Variants in SIK3 observed in about 807,000 individuals in gnomAD.
SIK3 encodes serine/threonine-protein kinase SIK3.
SIK3 carries 28 observed loss-of-function variants against 144.2 expected under a neutral mutation model. The ratio of observed to expected loss-of-function variants is 0.19; its 90% CI spans 0.14 to 0.27. The LOEUF (loss-of-function observed/expected upper bound fraction) is 0.27. Ranked by LOEUF, SIK3 falls within the 10% of genes least tolerant of loss-of-function variation. The pLI, the probability that SIK3 is intolerant of heterozygous loss-of-function variation, is 1.00. For synonymous variants in SIK3, 686 were observed against 676.3 expected (o/e 1.01, Z -0.22); for missense variants, 1,319 against 1,776.0 (o/e 0.74, Z 4.62).
chr11:117,070,787 G>C (rs1232779218), intron 1 of SIK3, among the ~76,000 whole-genome samples: 1 of 130,314 alleles, frequency 7.7e-6, no homozygotes, highest in Non-Finnish European at 1.6e-5. Flanking sequence ...AGTTTCACTC[G>C]TGTTGCCCAC....
rs75212390 is a variant in SIK3 at position 116,882,082 on chromosome 11, A to G, written c.866-5040T>C. Among the ~76,000 whole-genome samples, 211 of 152,238 alleles carry G rather than the reference A, an allele frequency of 1.4e-3. 5 individuals are homozygous for G. The East Asian group carries it at 0.039, about 28-fold the overall frequency. ...ACAATTCTCTCCTCTGGCAGATCAG[A>G]TGCCATGTCATCTTCACAGGTTCCA... On this transcript the variant is annotated intron_variant, in intron 6 of 24. Coordinates refer to ENST00000445177, the MANE Select transcript of SIK3 (RefSeq NM_001366686.3).
At chr11:117,021,443 C>T (rs535677015) in intron 1 of SIK3, among the ~76,000 whole-genome samples, 1 of 152,176 alleles carries the variant, frequency 6.6e-6, no homozygotes, top group East Asian at 1.9e-4. Context: ...AACCCATGTC[C>T]GTAGCACGCT....
intron 16 of SIK3, among the ~76,000 whole-genome samples, chr11:116,863,260 T>C (rs1943449582): frequency 1.3e-5 from 2 of 152,186 alleles, no homozygotes; most frequent in African/African-American, 4.8e-5. Context: ...CTATACTTTC[T>C]TTTTCTTTTA....
intron 1 of SIK3, among the ~76,000 whole-genome samples, chr11:117,042,814 C>T (rs1225378554): frequency 6.6e-6 from 1 of 152,196 alleles, no homozygotes; most frequent in East Asian, 1.9e-4. Context: ...AATGATGGCA[C>T]ATAACTAAAC....
chr11:116,996,134 C>G (rs886418376), intron 1 of SIK3, among the ~76,000 whole-genome samples: 7 of 152,042 alleles, frequency 4.6e-5, no homozygotes, highest in African/African-American at 1.4e-4. Flanking sequence ...ATGGCAAAAC[C>G]CTGTCTCTAC....
rs773910911 is a variant in SIK3, at chr11:116,875,904, G to C, written c.1201C>G (p.Pro401Ala). 1.2e-6 allele frequency: 2 copies of C among 1,610,444 alleles called. No individual in the cohort carries two copies. The highest frequency in any genetic ancestry group is 3.4e-5 in the Admixed American group (2 of 58,436). Residue 401 changes from proline (P) to alanine (A), a missense_variant, in exon 9 of 25, where the codon CCC becomes GCC. Pro to Ala is a conservative substitution (Grantham distance 27, BLOSUM62 -1). This residue lies in a region of SIK3 where 109 missense variants were observed against 109.3 expected (regional missense o/e 1.00). Transcript: ENST00000445177. ...TLRLGALPSM[P>A]RALAFQAPVN... is the part of the protein sequence containing the mutation. Reference sequence around the variant, plus strand: ...GGTGCTTGAAAGGCCAGGGCTCGGGGCATGCTAGGAAGTGCTCCGAGACGC... The same window carrying C: ...GGTGCTTGAAAGGCCAGGGCTCGGGCCATGCTAGGAAGTGCTCCGAGACGC...
At chr11:116,996,774 C>T (rs569301436) in intron 1 of SIK3, among the ~76,000 whole-genome samples, 5 of 131,292 alleles carry the variant, frequency 3.8e-5, no homozygotes, top group South Asian at 2.4e-4. Context: ...GAGCCAAGAT[C>T]GCGCCACTAC....
chr11:117,095,921 G>A (rs1955453645), intron 1 of SIK3, among the ~76,000 whole-genome samples: 1 of 152,134 alleles, frequency 6.6e-6, no homozygotes, highest in Non-Finnish European at 1.5e-5. Context: ...TCCATACATA[G>A]GAATTGCACA....
intron 1 of SIK3, among the ~76,000 whole-genome samples, chr11:116,990,324 G>A (rs1472322249): frequency 6.6e-6 from 1 of 152,158 alleles, no homozygotes; most frequent in Admixed American, 6.5e-5. Context: ...GAGTAGACCT[G>A]CCAACATCAG....
At chr11:116,948,825 A>G (rs1948795111) in intron 3 of SIK3, among the ~76,000 whole-genome samples, 1 of 151,830 alleles carries the variant, frequency 6.6e-6, no homozygotes, top group African/African-American at 2.4e-5. Flanking sequence ...ACACTAGAAG[A>G]GGAAGAACAA....
At chr11:116,900,399 T>C (rs1454470407) in intron 4 of SIK3, among the ~76,000 whole-genome samples, 1 of 152,214 alleles carries the variant, frequency 6.6e-6, no homozygotes, top group Non-Finnish European at 1.5e-5. Flanking sequence ...ATGCTATTGC[T>C]TACTTCCTAT....
chr11:116,883,084 C>T (rs1483041142), intron 6 of SIK3, among the ~76,000 whole-genome samples: 1 of 152,178 alleles, frequency 6.6e-6, no homozygotes, highest in African/African-American at 2.4e-5. Context: ...AGCTCGGGTA[C>T]CAGCCCTGGG....
chr11:117,001,136 A>G (rs761508268), intron 1 of SIK3, among the ~76,000 whole-genome samples: 2 of 152,238 alleles, frequency 1.3e-5, no homozygotes, highest in Non-Finnish European at 2.9e-5. Context: ...CTCTTCTCTG[A>G]GGTTTATGTC....
intron 1 of SIK3, among the ~76,000 whole-genome samples, chr11:116,994,749 A>G (rs1319500338): frequency 6.6e-6 from 1 of 152,104 alleles, no homozygotes; most frequent in African/African-American, 2.4e-5. Context: ...ACTAAAACAT[A>G]CGGGTTCAGC....
At chr11:116,898,105 C>T (rs1367306795) in intron 4 of SIK3, among the ~76,000 whole-genome samples, 1 of 151,936 alleles carries the variant, frequency 6.6e-6, no homozygotes, top group Non-Finnish European at 1.5e-5. Flanking sequence ...GGTATATCTC[C>T]CAATGCTATC....
intron 1 of SIK3, among the ~76,000 whole-genome samples, chr11:117,031,597 C>CT (rs1371647822): frequency 1.3e-5 from 2 of 151,210 alleles, no homozygotes; most frequent in Non-Finnish European, 2.9e-5. Flanking sequence ...TCTTGGCTCA[C>CT]TGCAACCTCC....
At position 116,956,281 on chromosome 11, in the gene SIK3, T is replaced by C. The variant is rs916196073; in HGVS notation, c.390+667A>G. Among the ~76,000 whole-genome samples, 13 of 151,946 alleles carry C rather than the reference T, an allele frequency of 8.6e-5. No homozygotes were observed. In the East Asian group the frequency reaches 2.5e-3, roughly 30 times the overall value. On this transcript the variant is annotated intron_variant, in intron 2 of 24. Transcript: ENST00000445177. ...ATCAGATTTACTGCTTTTGTAGTTA[T>C]GCTAGGGAATCATTTTGATGATGGC...
In SIK3 at chr11:116,955,431, A is replaced by T. The variant is rs115668470; in HGVS notation, c.391-1324T>A. 9.8e-3 allele frequency among the ~76,000 whole-genome samples: 1,489 copies of T among 152,248 alleles called. 23 individuals carry two copies. Among genetic ancestry groups the T allele is most frequent in the African/African-American group, 0.033 (1,375 of 41,582 alleles). On this transcript the variant is annotated intron_variant, in intron 2 of 24. Transcript: ENST00000445177. Reference sequence around the variant, plus strand: ...ATAAATAAATAAATAAATAAAATTTAAAAAACCCAGCTGCCAGAAAGCAAA... The same window carrying T: ...ATAAATAAATAAATAAATAAAATTTTAAAAACCCAGCTGCCAGAAAGCAAA...
intron 6 of SIK3, among the ~76,000 whole-genome samples, chr11:116,881,354 G>T (rs923720552): frequency 6.6e-6 from 1 of 151,958 alleles, no homozygotes; most frequent in Non-Finnish European, 1.5e-5. Context: ...AGTCACTGTG[G>T]GCCCAGGAAA....
Sources: allele counts gnomAD v4.1 joint callset (sites outside exome capture counted in the v4.1 genomes callset), GRCh38; gene constraint gnomAD v4.1.1; regional missense constraint gnomAD v4.1.1; transcripts MANE v1.5; gene names NCBI Gene and HGNC (gene_info 2026-07-23, HGNC 2026-07-21).